PLEKHA5: variants seen among roughly 807,000 people sequenced by gnomAD.
PLEKHA5 encodes the protein pleckstrin homology domain containing A5, also known as pleckstrin homology domain-containing family A member 5.
A neutral mutation model predicts 181.9 loss-of-function variants in PLEKHA5; 55 were observed. The observed-to-expected ratio is 0.30, with a 90% CI of 0.24 to 0.38. The LOEUF (loss-of-function observed/expected upper bound fraction) is 0.38. Ranked by LOEUF, PLEKHA5 falls within the 10% of genes least tolerant of loss-of-function variation. The probability of loss-of-function intolerance (pLI) is 1.00; values close to 1 mark genes in which losing one functional copy is unlikely to be tolerated. For synonymous variants in PLEKHA5, 535 were observed against 529.4 expected (o/e 1.01, Z -0.15); for missense variants, 1,432 against 1,549.5 (o/e 0.92, Z 1.27).
At position 19,320,028 on chromosome 12, in the gene PLEKHA5, G is replaced by A. The variant is rs999710632; in HGVS notation, c.2126G>A (p.Arg709Lys). ...LRPQLYQQFL[R>K]QKSKISLYCL... ...TCCTTCATTATCTTTTAGTTCTTAA[G>A]ACAGAAGAGCAAGATAAGTCTATAT... is the stretch of plus-strand genomic sequence containing the variant. The change falls in exon 17 of 32, where the codon AGA becomes AAA. Residue 709 changes from arginine (R) to lysine (K), a missense_variant. Physicochemically the swap from Arg to Lys is conservative, Grantham distance 26. Around this residue, in one of 2 missense-constraint regions of PLEKHA5, gnomAD observed 1,143 missense variants for 1,168.4 expected, o/e 0.98. Transcript: ENST00000429027. 2.3e-6 allele frequency: 3 copies of A among 1,317,244 alleles called. No homozygotes were observed. Among genetic ancestry groups the A allele is most frequent in the East Asian group, 2.6e-5 (1 of 37,960 alleles). 81.6% of individuals were successfully genotyped at this position (1,317,244 alleles called of 1,614,324 possible).
intron 31 of PLEKHA5, chr12:19,372,395 G>GTTTTTTTTT (rs34877323): frequency 7.2e-6 from 1 of 139,226 alleles, no homozygotes; most frequent in Non-Finnish European, 1.6e-5. Flanking sequence ...GGGATTATTT[G>GTTTTTTTTT]TTTTTGTTTT....
chr12:19,355,587 G>T (rs565809190), intron 26 of PLEKHA5, among the ~76,000 whole-genome samples: 5 of 151,146 alleles, frequency 3.3e-5, no homozygotes, highest in African/African-American at 1.2e-4. Context: ...GTTCTTCAAA[G>T]ATATTAAAGT....
chr12:19,286,191 A>G (rs2077178726), intron 12 of PLEKHA5, among the ~76,000 whole-genome samples: 1 of 152,218 alleles, frequency 6.6e-6, no homozygotes, highest in African/African-American at 2.4e-5. Context: ...ATACTGACAT[A>G]TGTCAATATT....
At chr12:19,334,296 G>A (rs2093141909) in intron 20 of PLEKHA5, among the ~76,000 whole-genome samples, 1 of 152,102 alleles carries the variant, frequency 6.6e-6, no homozygotes, top group Admixed American at 6.5e-5. Context: ...CCAGTTCAGT[G>A]GCAGGACTCT....
chr12:19,342,158 A>G (rs2093985678), intron 21 of PLEKHA5, among the ~76,000 whole-genome samples: 1 of 152,204 alleles, frequency 6.6e-6, no homozygotes, highest in South Asian at 2.1e-4. Flanking sequence ...AGGCAATGTG[A>G]CAGTTTTTGT....
At chr12:19,311,308 C>T (rs1284695575) in intron 15 of PLEKHA5, among the ~76,000 whole-genome samples, 2 of 151,268 alleles carry the variant, frequency 1.3e-5, no homozygotes, top group African/African-American at 4.9e-5. Context: ...TAAAAATGTA[C>T]TTGCCTATAG....
At chr12:19,301,981 C>G (rs1018981246) in intron 15 of PLEKHA5, among the ~76,000 whole-genome samples, 2 of 152,046 alleles carry the variant, frequency 1.3e-5, no homozygotes, top group African/African-American at 2.4e-5. Flanking sequence ...TTATAAAGAC[C>G]CCTGCATTCC....
At chr12:19,145,794 A>G (rs1054436955) in intron 3 of PLEKHA5, among the ~76,000 whole-genome samples, 2 of 152,130 alleles carry the variant, frequency 1.3e-5, no homozygotes, top group African/African-American at 4.8e-5. Context: ...AACTATTTAG[A>G]TGTGGAATTG....
At chr12:19,285,506 TG>T (rs2077027023) in intron 12 of PLEKHA5, among the ~76,000 whole-genome samples, 1 of 152,220 alleles carries the variant, frequency 6.6e-6, no homozygotes, top group African/African-American at 2.4e-5. Context: ...TGGACCCCTG[TG>T]GGGGTTCCCT....
At chr12:19,276,482 G>C (rs2074545496) in intron 11 of PLEKHA5, among the ~76,000 whole-genome samples, 1 of 152,208 alleles carries the variant, frequency 6.6e-6, no homozygotes, top group Non-Finnish European at 1.5e-5. Flanking sequence ...GTTGAGGCCA[G>C]GAGTTCGAGA....
At chr12:19,190,969 G>C (rs1444855526) in intron 3 of PLEKHA5, among the ~76,000 whole-genome samples, 3 of 152,218 alleles carry the variant, frequency 2.0e-5, no homozygotes, top group African/African-American at 7.2e-5. Context: ...AACTGGACGA[G>C]TGTGGTGACT....
At chr12:19,293,986 C>G (rs2079127758) in intron 15 of PLEKHA5, among the ~76,000 whole-genome samples, 1 of 152,132 alleles carries the variant, frequency 6.6e-6, no homozygotes, top group African/African-American at 2.4e-5. Flanking sequence ...CAACATCTCA[C>G]CAAAGCTTTT....
chr12:19,282,315 A>T (rs1017761662), intron 11 of PLEKHA5, among the ~76,000 whole-genome samples: 2 of 152,168 alleles, frequency 1.3e-5, no homozygotes, highest in Admixed American at 6.6e-5. Context: ...TGTGCTGGAA[A>T]CTTTGCAAAA....
At chr12:19,147,516 C>T (rs2039217301) in intron 3 of PLEKHA5, among the ~76,000 whole-genome samples, 1 of 151,870 alleles carries the variant, frequency 6.6e-6, no homozygotes, top group Non-Finnish European at 1.5e-5. Flanking sequence ...GTATAGGATA[C>T]CCAGGAGTGA....
At chr12:19,148,083 G>GTC (rs1190103121) in intron 3 of PLEKHA5, among the ~76,000 whole-genome samples, 1 of 151,036 alleles carries the variant, frequency 6.6e-6, no homozygotes, top group Non-Finnish European at 1.5e-5. Flanking sequence ...TTGAGACGGA[G>GTC]TCTCGTTCTG....
rs538509816 is a variant in PLEKHA5, at chr12:19,253,557, C to CT, written c.228-382dup. On this transcript the variant is annotated intron_variant, in intron 3 of 31. Transcript: ENST00000429027. ...GGCGGCCAGGTGCCGTGTCTCATGCCTGTAATCCCAGCACTTTGTGAGGCC... is the reference window on the plus strand; with the variant it reads ...GGCGGCCAGGTGCCGTGTCTCATGCCTTGTAATCCCAGCACTTTGTGAGGCC... 1.4e-3 allele frequency among the ~76,000 whole-genome samples: 210 copies of CT among 152,008 alleles called. 1 individual carries two copies. Among genetic ancestry groups the CT allele is most frequent in the Non-Finnish European group, 2.2e-3 (152 of 67,976 alleles).
chr12:19,210,120 C>G (rs1237458324), intron 3 of PLEKHA5, among the ~76,000 whole-genome samples: 1 of 152,136 alleles, frequency 6.6e-6, no homozygotes, highest in East Asian at 1.9e-4. Context: ...TCTTAGGGCT[C>G]TCAGTTATTT....
chr12:19,250,355 C>T (rs933221257), intron 3 of PLEKHA5, among the ~76,000 whole-genome samples: 2 of 152,072 alleles, frequency 1.3e-5, no homozygotes, highest in African/African-American at 4.8e-5. Flanking sequence ...GAGGCCAAGG[C>T]GGGTGGATCG....
At chr12:19,281,420 A>G (rs1592308773) in intron 11 of PLEKHA5, among the ~76,000 whole-genome samples, 1 of 151,874 alleles carries the variant, frequency 6.6e-6, no homozygotes, top group East Asian at 2.0e-4. Context: ...CTACAAAAGT[A>G]CAAAAAATTA....
Sources: gnomAD v4.1 joint callset for allele counts (sites outside exome capture counted in the v4.1 genomes callset) on GRCh38, gnomAD v4.1.1 for gene constraint, gnomAD v4.1.1 regional missense constraint, MANE v1.5 for transcripts, NCBI Gene and HGNC (gene_info 2026-07-23, HGNC 2026-07-21) for gene names.